Variants in TANC2 observed in about 807,000 individuals in gnomAD.
The protein encoded by TANC2 is tetratricopeptide repeat, ankyrin repeat and coiled-coil containing 2, also known as protein TANC2.
In TANC2, 26 loss-of-function variants were observed where a neutral mutation model predicts 210.5. The ratio of observed to expected loss-of-function variants is 0.12; its 90% CI spans 0.09 to 0.17. The LOEUF (loss-of-function observed/expected upper bound fraction) is 0.17, where lower values mean the gene tolerates loss of function less well. TANC2 is among the 10% of genes least tolerant of loss of function. The probability of loss-of-function intolerance (pLI) is 1.00; values close to 1 mark genes in which losing one functional copy is unlikely to be tolerated. For missense variants in TANC2, 2,129 were observed against 2,608.9 expected (o/e 0.82, Z 4.01); for synonymous variants, 931 against 967.1 (o/e 0.96, Z 0.69).
chr17:63,067,878 G>T (rs1026220453), intron 2 of TANC2, among the ~76,000 whole-genome samples: 1 of 152,192 alleles, frequency 6.6e-6, no homozygotes, highest in African/African-American at 2.4e-5. Context: ...AAGGAAAAAT[G>T]TGGTGTTAAA....
At chr17:63,340,246 G>A (rs1237656513) in exon 12 of TANC2, 1 of 1,613,842 alleles carries the variant, frequency 6.2e-7, no homozygotes, top group African/African-American at 1.3e-5. Flanking sequence ...CACCTGCAGA[G>A]CATGCTGAGC....
intron 15 of TANC2, among the ~76,000 whole-genome samples, chr17:63,387,329 A>G (rs764184950): frequency 6.6e-6 from 1 of 152,110 alleles, no homozygotes; most frequent in Non-Finnish European, 1.5e-5. Context: ...AATTCCCTCT[A>G]CAGGAAGTTT....
intron 9 of TANC2, among the ~76,000 whole-genome samples, chr17:63,288,765 C>T (rs960930191): frequency 6.6e-6 from 1 of 152,096 alleles, no homozygotes; most frequent in African/African-American, 2.4e-5. Flanking sequence ...TTGTATCTTA[C>T]CTTCACTTAT....
intron 7 of TANC2, among the ~76,000 whole-genome samples, chr17:63,215,698 C>G (rs561640601): frequency 1.2e-4 from 19 of 152,112 alleles, no homozygotes; most frequent in African/African-American, 4.6e-4. Flanking sequence ...AGGTGCCACA[C>G]TTTTATTTTA....
chr17:63,351,117 C>A, intron 12 of TANC2, 133 bp from the exon 13 acceptor site: 2 of 793,350 alleles, frequency 2.5e-6, no homozygotes, highest in East Asian at 2.7e-5. Context: ...AAATTATGTA[C>A]CCTGAGCATT....
At chr17:63,338,588 A>G (rs2046116527) in intron 11 of TANC2, among the ~76,000 whole-genome samples, 1 of 152,248 alleles carries the variant, frequency 6.6e-6, no homozygotes, top group South Asian at 2.1e-4. Flanking sequence ...CATTGAGAGG[A>G]CAGATCAATT....
chr17:63,135,698 T>C (rs2039066490), intron 4 of TANC2, among the ~76,000 whole-genome samples: 1 of 152,202 alleles, frequency 6.6e-6, no homozygotes, highest in Non-Finnish European at 1.5e-5. Context: ...TAAATTTTAA[T>C]GGAGTTATTT....
At chr17:62,999,241 C>G (rs1487428531) in intron 1 of TANC2, among the ~76,000 whole-genome samples, 3 of 152,206 alleles carry the variant, frequency 2.0e-5, no homozygotes, top group African/African-American at 4.8e-5. Context: ...CTGGCCACTT[C>G]ATGTGGCTGC....
intron 2 of TANC2, among the ~76,000 whole-genome samples, chr17:63,050,308 G>A (rs558096533): frequency 4.7e-5 from 7 of 150,172 alleles, no homozygotes; most frequent in Non-Finnish European, 7.4e-5. Flanking sequence ...AGTGAGCCGT[G>A]ATCATGCCCC....
intron 6 of TANC2, among the ~76,000 whole-genome samples, chr17:63,200,332 G>A (rs1184915017): frequency 2.7e-5 from 4 of 146,006 alleles, no homozygotes; most frequent in African/African-American, 1.0e-4. Flanking sequence ...TCCAGCCTGG[G>A]CAACAAGAAT....
chr17:63,274,246 T>TTGAAGACAGCTTCAA (rs1354284030), intron 9 of TANC2, among the ~76,000 whole-genome samples: 1 of 152,140 alleles, frequency 6.6e-6, no homozygotes, highest in Non-Finnish European at 1.5e-5. Flanking sequence ...ACAGCTGTTT[T>TTGAAGACAGCTTCAA]GAACAACTGT....
chr17:63,111,477 A>G (rs2038041674), intron 4 of TANC2, among the ~76,000 whole-genome samples: 1 of 152,190 alleles, frequency 6.6e-6, no homozygotes, highest in Admixed American at 6.5e-5. Context: ...ACATCCCAGC[A>G]ATCCTTTTTG....
intron 3 of TANC2, among the ~76,000 whole-genome samples, chr17:63,097,157 G>A (rs1463200855): frequency 6.6e-6 from 1 of 151,470 alleles, no homozygotes; most frequent in African/African-American, 2.4e-5. Flanking sequence ...CCTCCCACTT[G>A]AGCCTCCCAA....
Position 63,420,242 on chromosome 17 carries a change from T to C in TANC2, c.4512T>C (p.Val1504=), listed in dbSNP as rs764591136. ...AGGAGGAGTACCTGGAACAGGATGT[T>C]GAAAATGTTTCCATTGGCCTCCAGA... Residue 1504 remains valine, a synonymous_variant, in exon 28 of 28, where the codon GTT becomes GTC. Coordinates refer to ENST00000689528, the Ensembl canonical transcript of TANC2. This position sits in a 1 kb window ranked among gnomAD's most constrained non-coding sequence, Gnocchi z 4.2. The C allele has an allele frequency of 1.7e-5, 28 of 1,613,288 alleles. No individual in the cohort carries two copies. The highest frequency in any genetic ancestry group is 1.6e-4 in the Middle Eastern group (1 of 6,084).
intron 13 of TANC2, among the ~76,000 whole-genome samples, chr17:63,353,419 G>A (rs1485042033): frequency 6.6e-6 from 1 of 152,132 alleles, no homozygotes; most frequent in African/African-American, 2.4e-5. Flanking sequence ...TATTGACATG[G>A]GGTGAGTTTT....
At chr17:63,335,612 CA>C (rs779066987) in intron 11 of TANC2, among the ~76,000 whole-genome samples, 21,227 of 117,846 alleles carry the variant, frequency 0.18, 1,828 homozygotes, top group Middle Eastern at 0.29. Flanking sequence ...GACTCTTTCT[CA>C]AAAAAAAAAA....
At chr17:63,330,882 C>CCTGGTCAACATGG (rs1238701751) in intron 11 of TANC2, among the ~76,000 whole-genome samples, 1 of 152,282 alleles carries the variant, frequency 6.6e-6, no homozygotes, top group Non-Finnish European at 1.5e-5. Flanking sequence ...TCGAGACCAG[C>CCTGGTCAACATGG]CTGGTCAACA....
At chr17:63,159,652 C>A (rs2039955980) in intron 5 of TANC2, among the ~76,000 whole-genome samples, 2 of 149,720 alleles carry the variant, frequency 1.3e-5, no homozygotes, top group South Asian at 4.1e-4. Flanking sequence ...ATTTACATAG[C>A]ATTTACATTG....
At chr17:63,107,161 A>T (rs750626292) in intron 4 of TANC2, among the ~76,000 whole-genome samples, 4 of 151,680 alleles carry the variant, frequency 2.6e-5, no homozygotes, top group Non-Finnish European at 4.4e-5. Context: ...TAAAAGTCAA[A>T]TAAGATAAAA....
Sources: allele counts gnomAD v4.1 joint callset (sites outside exome capture counted in the v4.1 genomes callset), GRCh38; gene constraint gnomAD v4.1.1; non-coding constraint Gnocchi (gnomAD v3.1); transcripts MANE v1.5; gene names NCBI Gene and HGNC (gene_info 2026-07-23, HGNC 2026-07-21).